Variants in DCUN1D5 observed in about 807,000 individuals in gnomAD.
The protein encoded by DCUN1D5 is DCN1-like protein 5.
Under a neutral mutation model 38.3 loss-of-function variants are expected in DCUN1D5, and 10 were observed. The ratio of observed to expected loss-of-function variants is 0.26; its 90% confidence interval spans 0.16 to 0.44. DCUN1D5 has a LOEUF of 0.44. Ranked by LOEUF, DCUN1D5 falls within the 20% of genes least tolerant of loss-of-function variation. The pLI, the probability that DCUN1D5 is intolerant of heterozygous loss-of-function variation, is 1.00. For missense variants in DCUN1D5, 148 were observed against 275.3 expected (o/e 0.54, Z 3.27); for synonymous variants, 93 against 90.9 (o/e 1.02, Z -0.13).
At position 103,057,086 on chromosome 11, in the gene DCUN1D5, T is replaced by C. The variant is rs1299306477; in HGVS notation, c.*5273A>G. ...TCTATAAACTCTCTCTCAATAGGCA[T>C]AGTTTCAGGGAATAATGTAAATTTC... On this transcript the variant is annotated 3_prime_UTR_variant, in exon 8 of 8. Transcript: ENST00000260247. The surrounding 1 kb of genome is among the most constrained non-coding windows in gnomAD (Gnocchi z 4.8). 1.3e-5 allele frequency among the ~76,000 whole-genome samples: 2 copies of C among 151,284 alleles called. No homozygotes were observed. The highest frequency in any genetic ancestry group is 6.6e-5 in the Admixed American group (1 of 15,262).
At chr11:103,088,445 C>T (rs1862770026) in intron 2 of DCUN1D5, among the ~76,000 whole-genome samples, 1 of 152,112 alleles carries the variant, frequency 6.6e-6, no homozygotes, top group African/African-American at 2.4e-5. Context: ...TGTTCTTTTG[C>T]ATATATTTGC....
chr11:103,064,181 T>C lies in DCUN1D5; in HGVS notation c.658+94A>G. On this transcript the variant is annotated intron_variant, in intron 7 of 7. Transcript: ENST00000260247. This position sits in a 1 kb window ranked among gnomAD's most constrained non-coding sequence, Gnocchi z 4.5. ...ATTAAATAAGTTACTATTACAAAGTTTAAAACCTCTATGCTAATACTACAC... is the reference window on the plus strand; with the variant it reads ...ATTAAATAAGTTACTATTACAAAGTCTAAAACCTCTATGCTAATACTACAC... 1.1e-6 allele frequency: 1 copy of C among 917,612 alleles called. No homozygotes were observed. Among genetic ancestry groups the C allele is most frequent in the East Asian group, 2.6e-5 (1 of 38,286 alleles). 56.8% of individuals were successfully genotyped at this position (917,612 alleles called of 1,614,324 possible).
rs1407201064 is a variant in DCUN1D5 at position 103,059,778 on chromosome 11, A to G, written c.*2581T>C. ...GGGGTGGGGGGGTTGCAATCTGTCC[A>G]ATCAACATCTGGCTCTACTTTCTCC... On this transcript the variant is annotated 3_prime_UTR_variant, in exon 8 of 8. Transcript: ENST00000260247. Among the ~76,000 whole-genome samples, 1 of 151,970 alleles carries G rather than the reference A, an allele frequency of 6.6e-6. No individual in the cohort carries two copies. Among genetic ancestry groups the G allele is most frequent in the Non-Finnish European group, 1.5e-5 (1 of 67,990 alleles).
intron 2 of DCUN1D5, among the ~76,000 whole-genome samples, chr11:103,084,543 A>C (rs900813418): frequency 3.3e-5 from 5 of 152,220 alleles, no homozygotes; most frequent in African/African-American, 1.2e-4. Context: ...ATTATAGGGC[A>C]CTTTCTCTTC....
intron 4 of DCUN1D5, among the ~76,000 whole-genome samples, chr11:103,075,118 A>C (rs1285480213): frequency 1.3e-5 from 2 of 152,210 alleles, no homozygotes; most frequent in African/African-American, 4.8e-5. Flanking sequence ...GTGTAAAACC[A>C]GGCCCAGGTT....
Position 103,073,656 on chromosome 11 carries a change from A to G in DCUN1D5, c.342-7089T>C, listed in dbSNP as rs879433198. ...CATAGCTTTTACAGAAATTAATTCA[A>G]AATGCACCACTGACTTACATGTAAA... is the stretch of plus-strand genomic sequence containing the variant. On this transcript the variant is annotated intron_variant, in intron 4 of 7. Coordinates refer to ENST00000260247, the MANE Select transcript of DCUN1D5 (RefSeq NM_032299.4). This position sits in a 1 kb window ranked among gnomAD's most constrained non-coding sequence, Gnocchi z 4.2. Among the ~76,000 whole-genome samples the G allele has an allele frequency of 1.3e-5, 2 of 152,214 alleles. No individual in the cohort carries two copies. The highest frequency in any genetic ancestry group is 2.9e-5 in the Non-Finnish European group (2 of 68,042).
At chr11:103,074,667 G>C (rs961751044) in intron 4 of DCUN1D5, among the ~76,000 whole-genome samples, 1 of 152,180 alleles carries the variant, frequency 6.6e-6, no homozygotes, top group Non-Finnish European at 1.5e-5. Context: ...GCCTCCCAAA[G>C]TGCTGGGATT....
rs767079784 is a variant in DCUN1D5, at chr11:103,091,700, C to G, written c.86+87G>C. On this transcript the variant is annotated intron_variant, in intron 1 of 7. Transcript: ENST00000260247. The surrounding 1 kb of genome is among the most constrained non-coding windows in gnomAD (Gnocchi z 4.3). ...GGGCCTCACCTGTCTCCAGCCCCAG[C>G]CCGGCAGGCCGGGCCCGACTCCTTT... 6 of 1,611,106 alleles carry G rather than the reference C, an allele frequency of 3.7e-6. No individual in the cohort carries two copies. Among genetic ancestry groups the G allele is most frequent in the Non-Finnish European group, 5.1e-6 (6 of 1,178,728 alleles).
chr11:103,064,447 A>G lies in DCUN1D5; in HGVS notation c.556-70T>C. Reference sequence around the variant, plus strand: ...CATCATTTACTCAATTTAGTAAACTAAGTTTTAACTGTTTTTGTGATTTGG... The same window carrying G: ...CATCATTTACTCAATTTAGTAAACTGAGTTTTAACTGTTTTTGTGATTTGG... On this transcript the variant is annotated intron_variant, in intron 6 of 7. Coordinates refer to ENST00000260247, the MANE Select transcript of DCUN1D5 (RefSeq NM_032299.4). The surrounding 1 kb of genome is among the most constrained non-coding windows in gnomAD (Gnocchi z 4.5). The G allele has an allele frequency of 8.3e-7, 1 of 1,202,794 alleles. No homozygotes were observed. Among genetic ancestry groups the G allele is most frequent in the Non-Finnish European group, 1.1e-6 (1 of 875,236 alleles). The allele number at this position is 1,202,794 out of a possible 1,614,324, so 74.5% of individuals were successfully genotyped here.
chr11:103,076,197 C>T (rs2134620751), intron 4 of DCUN1D5, among the ~76,000 whole-genome samples: 1 of 152,312 alleles, frequency 6.6e-6, no homozygotes, highest in Non-Finnish European at 1.5e-5. Context: ...TAGCATAACA[C>T]AGGACCTGAC....
chr11:103,074,407 G>A (rs1443310975), intron 4 of DCUN1D5, among the ~76,000 whole-genome samples: 1 of 151,712 alleles, frequency 6.6e-6, no homozygotes, highest in Non-Finnish European at 1.5e-5. Context: ...TCTGCTGAGT[G>A]TTTGTTTGTT....
chr11:103,069,177 C>A (rs1040859218), intron 4 of DCUN1D5, among the ~76,000 whole-genome samples: 7 of 152,174 alleles, frequency 4.6e-5, no homozygotes, highest in African/African-American at 1.4e-4. Flanking sequence ...AAGGTGGAAA[C>A]CTGAGGAACT....
In DCUN1D5 at chr11:103,078,681, G is replaced by C. The variant is rs904479532; in HGVS notation, c.341+4067C>G. Among the ~76,000 whole-genome samples, 10 of 152,072 alleles carry C rather than the reference G, an allele frequency of 6.6e-5. No homozygotes were observed. Among genetic ancestry groups the C allele is most frequent in the Non-Finnish European group, 1.3e-4 (9 of 68,010 alleles). On this transcript the variant is annotated intron_variant, in intron 4 of 7. Transcript: ENST00000260247. This position sits in a 1 kb window ranked among gnomAD's most constrained non-coding sequence, Gnocchi z 4.6. ...ATATTAGAATTCAAAACCTATCCTG[G>C]CAATTTTTTTATGTACTTTACAATT...
Position 103,064,234 on chromosome 11 carries a change from G to A in DCUN1D5, c.658+41C>T. The A allele has an allele frequency of 3.3e-6, 5 of 1,518,414 alleles. No individual in the cohort carries two copies. Among genetic ancestry groups the A allele is most frequent in the South Asian group, 1.2e-5 (1 of 86,488 alleles). The allele number at this position is 1,518,414 out of a possible 1,614,324, so 94.1% of individuals were successfully genotyped here. ...ATGCATACTCTCATTTAATATTTTT[G>A]GAAATTTTGTTTTCAAAGGAACATG... On this transcript the variant is annotated intron_variant, in intron 7 of 7. Coordinates refer to ENST00000260247, the MANE Select transcript of DCUN1D5 (RefSeq NM_032299.4). The surrounding 1 kb of genome is among the most constrained non-coding windows in gnomAD (Gnocchi z 4.5).
chr11:103,089,635 T>C (rs1365798809), intron 1 of DCUN1D5, among the ~76,000 whole-genome samples: 1 of 152,154 alleles, frequency 6.6e-6, no homozygotes, highest in African/African-American at 2.4e-5. Context: ...TAAATATTTA[T>C]TATGATTCTA....
chr11:103,064,534 C>T lies in DCUN1D5; in HGVS notation c.556-157G>A, dbSNP rs1862087573. Among the ~76,000 whole-genome samples, 1 of 151,876 alleles carries T rather than the reference C, an allele frequency of 6.6e-6. No individual in the cohort carries two copies. The highest frequency in any genetic ancestry group is 6.6e-5 in the Admixed American group (1 of 15,246). On this transcript the variant is annotated intron_variant, in intron 6 of 7. Coordinates refer to ENST00000260247, the MANE Select transcript of DCUN1D5 (RefSeq NM_032299.4). This position sits in a 1 kb window ranked among gnomAD's most constrained non-coding sequence, Gnocchi z 4.5. Reference sequence around the variant, plus strand: ...GTGTTTCTAAGAGATTCCTCATGGGCATTTACATATTAACATAATCTATTT... The same window carrying T: ...GTGTTTCTAAGAGATTCCTCATGGGTATTTACATATTAACATAATCTATTT...
chr11:103,072,077 C>G (rs991530997), intron 4 of DCUN1D5, among the ~76,000 whole-genome samples: 1 of 151,458 alleles, frequency 6.6e-6, no homozygotes, highest in Non-Finnish European at 1.5e-5. Flanking sequence ...TCCTCAACTT[C>G]GTAGAGCATA....
rs1191923668 is a variant in DCUN1D5 at position 103,051,301 on chromosome 11, C to T, written c.*11058G>A. The T allele has an allele frequency of 2.0e-5, 3 of 152,168 alleles. No homozygotes were observed. Among genetic ancestry groups the T allele is most frequent in the Non-Finnish European group, 2.9e-5 (2 of 68,040 alleles). The allele number at this position is 152,168 out of a possible 1,614,324, so 9.4% of individuals were successfully genotyped here. ...CAAGCAGAACAAATGAACCATCCAT[C>T]CTTCAGGAAACTTTTTTAAAAAAAG... On this transcript the variant is annotated 3_prime_UTR_variant, in exon 8 of 8. Transcript: ENST00000260247.
At position 103,058,433 on chromosome 11, in the gene DCUN1D5, A is replaced by G. The variant is rs79784169; in HGVS notation, c.*3926T>C. 2.4e-3 allele frequency among the ~76,000 whole-genome samples: 371 copies of G among 152,312 alleles called. 8 individuals carry two copies. Among genetic ancestry groups the G allele is most frequent in the East Asian group, 0.02 (101 of 5,178 alleles). On this transcript the variant is annotated 3_prime_UTR_variant, in exon 8 of 8. Coordinates refer to ENST00000260247, the MANE Select transcript of DCUN1D5 (RefSeq NM_032299.4). ...TTTAAAAGATCTAAAGATTTGTTCCAGTGAAGTACAAGTTCACTAGAAAAA... is the reference window on the plus strand; with the variant it reads ...TTTAAAAGATCTAAAGATTTGTTCCGGTGAAGTACAAGTTCACTAGAAAAA...
Sources: gnomAD v4.1 joint callset for allele counts (sites outside exome capture counted in the v4.1 genomes callset) on GRCh38, gnomAD v4.1.1 for gene constraint, Gnocchi (gnomAD v3.1) non-coding constraint, MANE v1.5 for transcripts, NCBI Gene and HGNC (gene_info 2026-07-23, HGNC 2026-07-21) for gene names.